Variants in ZNF169 observed in about 807,000 individuals in gnomAD.
ZNF169 encodes the protein zinc finger protein 169.
In ZNF169, 11 loss-of-function variants were observed where a neutral mutation model predicts 12.0. That is an observed-to-expected ratio of 0.92 (90% CI 0.58 to 1.52). The LOEUF (loss-of-function observed/expected upper bound fraction) is 1.52. Ranked by LOEUF, ZNF169 falls within the 40% of genes most tolerant of loss-of-function variation. ZNF169 has a pLI of 0.00. For missense variants in ZNF169, 722 were observed against 744.0 expected (o/e 0.97, Z 0.34); for synonymous variants, 302 against 286.5 (o/e 1.05, Z -0.55).
chr9:94,288,226 C>G (rs1830755314), intron 2 of ZNF169: 1 of 812,716 alleles, frequency 1.2e-6, no homozygotes, highest in Non-Finnish European at 2.2e-6. Context: ...GCATTTTTTT[C>G]CCCCAGTGTT....
rs772170085 is a variant in ZNF169 at position 94,300,747 on chromosome 9, T to C, written c.1189T>C (p.Ser397Pro). The C allele has an allele frequency of 3.1e-6, 5 of 1,612,074 alleles. No homozygotes were observed. The highest frequency in any genetic ancestry group is 4.2e-6 in the Non-Finnish European group (5 of 1,179,516). Residue 397 changes from serine (S) to proline (P), a missense_variant, in exon 5 of 5, where the codon TCA becomes CCA. Physicochemically the swap from Ser to Pro is moderately conservative, Grantham distance 74. Transcript: ENST00000395395. ...SLLLSHQVTH[S>P]GEKPYVCAEC... is the part of the protein sequence containing the mutation. ...CCTCCTTAGTCACCAGGTCACACAC[T>C]CAGGAGAGAAGCCTTATGTCTGTGC...
At position 94,292,328 on chromosome 9, in the gene ZNF169, G is replaced by A. The variant is rs1201958593; in HGVS notation, c.34-13G>A. 1 of 1,613,992 alleles carries A rather than the reference G, an allele frequency of 6.2e-7. No homozygotes were observed. The highest frequency in any genetic ancestry group is 1.3e-5 in the African/African-American group (1 of 74,912). The stretch of plus-strand genomic sequence containing the variant: ...CTGGCTGTTGAGTGAGCAGGGATGT[G>A]TTTGTGTTACAGGCATTGATGGCCT... On this transcript the variant is annotated splice_polypyrimidine_tract_variant and intron_variant, in intron 2 of 4. Coordinates refer to ENST00000395395, the MANE Select transcript of ZNF169 (RefSeq NM_194320.4).
chr9:94,267,862 C>CTTTTTTTT (rs34734711), intron 1 of ZNF169, among the ~76,000 whole-genome samples: 19 of 114,088 alleles, frequency 1.7e-4, no homozygotes, highest in East Asian at 2.5e-4. Context: ...AAACTGCCTT[C>CTTTTTTTT]TTTTTTTTTT....
At chr9:94,283,818 C>A (rs1031886987) in intron 2 of ZNF169, among the ~76,000 whole-genome samples, 5 of 152,050 alleles carry the variant, frequency 3.3e-5, no homozygotes, top group African/African-American at 1.2e-4. Flanking sequence ...CCTGTAATCC[C>A]AGCACTTTGG....
chr9:94,278,553 A>G (rs1449886499), intron 1 of ZNF169, among the ~76,000 whole-genome samples: 1 of 152,152 alleles, frequency 6.6e-6, no homozygotes, highest in Non-Finnish European at 1.5e-5. Context: ...TTCCCTAACT[A>G]GAGTTTGGAT....
At chr9:94,265,571 C>T (rs1016003947) in intron 1 of ZNF169, among the ~76,000 whole-genome samples, 4 of 138,964 alleles carry the variant, frequency 2.9e-5, no homozygotes, top group African/African-American at 1.0e-4. Flanking sequence ...CAGAGCGAGA[C>T]TCTGTCTCAA....
intron 2 of ZNF169, among the ~76,000 whole-genome samples, chr9:94,285,803 C>T (rs905450374): frequency 6.6e-6 from 1 of 151,914 alleles, no homozygotes; most frequent in Non-Finnish European, 1.5e-5. Context: ...TGAGGTCGGG[C>T]GTTCGAGACC....
chr9:94,261,619 G>T (rs1830209818), intron 1 of ZNF169, among the ~76,000 whole-genome samples: 1 of 151,976 alleles, frequency 6.6e-6, no homozygotes, highest in Admixed American at 6.5e-5. Context: ...CTTTCACTAG[G>T]GGTCTATACC....
In ZNF169 at chr9:94,301,357, A is replaced by C. The variant is rs886762751; in HGVS notation, c.1799A>C (p.Gln600Pro). 1 of 1,610,322 alleles carries C rather than the reference A, an allele frequency of 6.2e-7. No homozygotes were observed. Among genetic ancestry groups the C allele is most frequent in the Non-Finnish European group, 8.5e-7 (1 of 1,177,450 alleles). ...AAGTCTGGTCATCAGCTCCTACCCC[A>C]AGAGGTCTTCTGACCTTTCCTTTCC... The part of the protein sequence containing the change: ...RTKSGHQLLP[Q>P]EVF Residue 600 changes from glutamine (Q) to proline (P), a missense_variant, in exon 5 of 5, where the codon CAA (glutamine) becomes CCA (proline). Transcript: ENST00000395395.
At chr9:94,298,166 A>C (rs1830987694) in intron 4 of ZNF169, among the ~76,000 whole-genome samples, 1 of 145,178 alleles carries the variant, frequency 6.9e-6, no homozygotes, top group Non-Finnish European at 1.5e-5. Context: ...GACTCCTTTA[A>C]AAAAAAAAAA....
intron 4 of ZNF169, chr9:94,296,882 A>T (rs1564092844): frequency 4.4e-6 from 2 of 450,690 alleles, no homozygotes; most frequent in Non-Finnish European, 8.9e-6. Flanking sequence ...CATCTCTACT[A>T]AAAATACAAA....
intron 2 of ZNF169, among the ~76,000 whole-genome samples, chr9:94,284,475 T>C (rs35148223): frequency 0.076 from 11,543 of 152,108 alleles, 602 homozygotes; most frequent in South Asian, 0.12. Context: ...TTGCACCAGG[T>C]AGCAATTTTT....
intron 2 of ZNF169, among the ~76,000 whole-genome samples, chr9:94,284,144 G>A (rs1294580154): frequency 2.0e-5 from 3 of 151,482 alleles, no homozygotes; most frequent in African/African-American, 7.3e-5. Flanking sequence ...CCTCCCAAGG[G>A]TCGGGCGCAG....
chr9:94,270,535 C>A (rs556043608), intron 1 of ZNF169, among the ~76,000 whole-genome samples: 1 of 142,600 alleles, frequency 7.0e-6, no homozygotes, highest in African/African-American at 2.6e-5. Flanking sequence ...CCTTCTATTG[C>A]TAATTTGTTA....
At chr9:94,291,415 G>A (rs1050149784) in intron 2 of ZNF169, among the ~76,000 whole-genome samples, 30 of 152,028 alleles carry the variant, frequency 2.0e-4, no homozygotes, top group African/African-American at 5.8e-4. Flanking sequence ...ACAAACCAAC[G>A]TTATATCTGT....
intron 1 of ZNF169, among the ~76,000 whole-genome samples, chr9:94,277,575 G>C (rs1442715941): frequency 6.6e-6 from 1 of 152,144 alleles, no homozygotes; most frequent in Non-Finnish European, 1.5e-5. Context: ...CACATCTGAT[G>C]AGAATTTATG....
intron 2 of ZNF169, chr9:94,288,308 C>A: frequency 1.1e-6 from 1 of 875,978 alleles, no homozygotes. Context: ...ACCTCAGTGC[C>A]TGGTGTGTTG....
intron 4 of ZNF169, chr9:94,299,405 A>T: frequency 1.7e-6 from 1 of 584,556 alleles, no homozygotes; most frequent in Non-Finnish European, 2.5e-6. Flanking sequence ...GATCTTATTT[A>T]TAGCACCTTC....
chr9:94,270,478 G>A lies in ZNF169; in HGVS notation c.-55-8280G>A, dbSNP rs984362829. ...ATTCAATATTTTGCTATTAAGTATG[G>A]TATTAGTGCTATGTTTTTGTAGATG... On this transcript the variant is annotated intron_variant, in intron 1 of 4. Coordinates refer to ENST00000395395, the MANE Select transcript of ZNF169 (RefSeq NM_194320.4). 1.1e-4 allele frequency among the ~76,000 whole-genome samples: 16 copies of A among 148,988 alleles called. No homozygotes were observed. In the Admixed American group the frequency reaches 1.1e-3, roughly 10 times the overall value.
Sources: allele counts gnomAD v4.1 joint callset (sites outside exome capture counted in the v4.1 genomes callset), GRCh38; gene constraint gnomAD v4.1.1; transcripts MANE v1.5; gene names NCBI Gene and HGNC (gene_info 2026-07-23, HGNC 2026-07-21).